DLAT: variants seen among roughly 807,000 people sequenced by gnomAD.
DLAT encodes dihydrolipoamide S-acetyltransferase.
In DLAT, 43 loss-of-function variants were observed where a neutral mutation model predicts 68.0. That is an observed-to-expected ratio of 0.63 (90% CI 0.50 to 0.81). The LOEUF is 0.81. Among genes scored for constraint, DLAT ranks in the 40% least tolerant of loss-of-function variants. DLAT has a pLI of 0.00. For missense variants in DLAT, 745 were observed against 815.4 expected (o/e 0.91, Z 1.05); for synonymous variants, 265 against 288.6 (o/e 0.92, Z 0.83).
chr11:112,046,618 C>T (rs1277690131), intron 10 of DLAT, among the ~76,000 whole-genome samples: 3 of 151,608 alleles, frequency 2.0e-5, no homozygotes, highest in African/African-American at 7.3e-5. Context: ...CTCCCCTTAG[C>T]CCCCCACCCC....
chr11:112,053,513 C>T (rs1171482575), intron 11 of DLAT, among the ~76,000 whole-genome samples: 3 of 151,896 alleles, frequency 2.0e-5, no homozygotes, highest in East Asian at 1.9e-4. Flanking sequence ...AGTGCAGTGG[C>T]GTGATCTTGG....
chr11:112,044,867 T>G (rs1230705172), intron 8 of DLAT, among the ~76,000 whole-genome samples: 2 of 152,088 alleles, frequency 1.3e-5, no homozygotes, highest in Non-Finnish European at 2.9e-5. Context: ...TTTCCGTCTC[T>G]ACTAGAAATC....
rs1396553672 is a variant in DLAT at position 112,027,420 on chromosome 11, G to A, written c.382-1095G>A. Among the ~76,000 whole-genome samples the A allele has an allele frequency of 6.6e-5, 10 of 151,492 alleles. No homozygotes were observed. The South Asian group carries it at 1.3e-3, about 19-fold the overall frequency. On this transcript the variant is annotated intron_variant, in intron 2 of 13. Transcript: ENST00000280346. ...AGACGCTCCTCACTTTCCAGACTGGGCAGCCAGGCAGTGGGGCTCCTCACG... is the reference window on the plus strand; with the variant it reads ...AGACGCTCCTCACTTTCCAGACTGGACAGCCAGGCAGTGGGGCTCCTCACG...
intron 11 of DLAT, among the ~76,000 whole-genome samples, chr11:112,058,110 T>C (rs2135139904): frequency 6.6e-6 from 1 of 152,340 alleles, no homozygotes; most frequent in African/African-American, 2.4e-5. Context: ...GGTTGTCTGT[T>C]AATTCTAACC....
intron 11 of DLAT, among the ~76,000 whole-genome samples, chr11:112,056,214 A>G (rs587723640): frequency 6.6e-6 from 1 of 152,262 alleles, no homozygotes; most frequent in East Asian, 1.9e-4. Flanking sequence ...GTATCATAAA[A>G]TGTACCTGCT....
chr11:112,030,263 A>G, intron 4 of DLAT: 1 of 568,510 alleles, frequency 1.8e-6, no homozygotes, highest in South Asian at 1.4e-5. Flanking sequence ...TCTTAGGCAC[A>G]ACGTCTGCAG....
At position 112,037,377 on chromosome 11, in the gene DLAT, G is replaced by A. The variant is rs782069095; in HGVS notation, c.892G>A (p.Ala298Thr). The A allele has an allele frequency of 6.2e-6, 10 of 1,614,192 alleles. No individual in the cohort carries two copies. Among genetic ancestry groups the A allele is most frequent in the Non-Finnish European group, 8.5e-6 (10 of 1,180,024 alleles). ...ACTCTGTATCATTGTAGAAAAAGAG[G>A]CAGATATATCAGCATTTGCTGACTA... ...TPLCIIVEKE[A>T]DISAFADYRP... Residue 298 changes from alanine (A) to threonine (T), a missense_variant, in exon 6 of 14, where the codon GCA becomes ACA. By Grantham distance (58) the Ala-to-Thr change is moderately conservative. Coordinates refer to ENST00000280346, the MANE Select transcript of DLAT (RefSeq NM_001931.5).
chr11:112,035,353 A>G (rs1862645273), intron 5 of DLAT, among the ~76,000 whole-genome samples: 1 of 152,206 alleles, frequency 6.6e-6, no homozygotes, highest in African/African-American at 2.4e-5. Flanking sequence ...AAACACAGAA[A>G]CTTTGGAAAC....
chr11:112,059,870 T>G (rs1354201274), intron 11 of DLAT, 33 bp from the exon 12 acceptor site: 7 of 1,519,038 alleles, frequency 4.6e-6, no homozygotes, highest in Non-Finnish European at 6.2e-6. Context: ...TAATAAACAG[T>G]TTTTTATTAT....
At chr11:112,062,291 G>A (rs1864681583) in intron 13 of DLAT, 115 bp from the exon 14 acceptor site, 9 of 1,092,022 alleles carry the variant, frequency 8.2e-6, no homozygotes, top group Non-Finnish European at 1.4e-6. Flanking sequence ...TGGAAGAGTA[G>A]ATAGGAAGTA....
chr11:112,048,041 A>G (rs1863415602), intron 10 of DLAT, among the ~76,000 whole-genome samples: 4 of 152,206 alleles, frequency 2.6e-5, no homozygotes, highest in Admixed American at 2.6e-4. Flanking sequence ...CATTGAATTT[A>G]TAAATTACTT....
At chr11:112,031,569 ACCACAC>A (rs1370962678) in intron 4 of DLAT, among the ~76,000 whole-genome samples, 8 of 150,282 alleles carry the variant, frequency 5.3e-5, no homozygotes, top group Admixed American at 2.7e-4. Flanking sequence ...TGCACATACC[ACCACAC>A]CTAGCTATTT....
chr11:112,058,159 A>G (rs1397880429), intron 11 of DLAT, among the ~76,000 whole-genome samples: 1 of 152,202 alleles, frequency 6.6e-6, no homozygotes, highest in African/African-American at 2.4e-5. Context: ...CCCATTCAAC[A>G]TTTATTTAAC....
rs1863093349 is a variant in DLAT, at chr11:112,042,316, T to TA, written c.1130-1149dup. Among the ~76,000 whole-genome samples, 7 of 152,196 alleles carry TA rather than the reference T, an allele frequency of 4.6e-5. No homozygotes were observed. In the South Asian group the frequency reaches 1.4e-3, roughly 31 times the overall value. On this transcript the variant is annotated intron_variant, in intron 7 of 13. Transcript: ENST00000280346. ...CTGAAGCTTAGCATAAGGCAGGTGG[T>TA]ACTATGGATTTCCTCCTCTTGAGGG...
intron 10 of DLAT, among the ~76,000 whole-genome samples, chr11:112,049,963 T>A (rs1406613244): frequency 6.6e-6 from 1 of 152,264 alleles, no homozygotes; most frequent in African/African-American, 2.4e-5. Context: ...TCTTGTCTTG[T>A]TCTCGATCTT....
intron 7 of DLAT, among the ~76,000 whole-genome samples, 196 bp from the exon 8 acceptor site, chr11:112,043,268 CTG>C (rs1863138208): frequency 6.6e-6 from 1 of 152,220 alleles, no homozygotes; most frequent in African/African-American, 2.4e-5. Context: ...CACTGGTACT[CTG>C]TGTGGATTAA....
At chr11:112,030,423 G>C in intron 4 of DLAT, 1 of 384,364 alleles carries the variant, frequency 2.6e-6, no homozygotes, top group Non-Finnish European at 5.1e-6. Context: ...AGATTTGGAG[G>C]GGACAGACAT....
intron 5 of DLAT, among the ~76,000 whole-genome samples, chr11:112,035,226 G>A (rs193040958): frequency 6.6e-6 from 1 of 152,324 alleles, no homozygotes; most frequent in East Asian, 1.9e-4. Flanking sequence ...GAATTAAAGA[G>A]CAGGACCTTA....
In DLAT at chr11:112,063,145, T is replaced by A. The variant is rs1463305476; in HGVS notation, c.*610T>A. 6.5e-6 allele frequency: 1 copy of A among 152,812 alleles called. No homozygotes were observed. Among genetic ancestry groups the A allele is most frequent in the Non-Finnish European group, 1.5e-5 (1 of 68,494 alleles). The allele number at this position is 152,812 out of a possible 1,614,324, so 9.5% of individuals were successfully genotyped here. On this transcript the variant is annotated 3_prime_UTR_variant, in exon 14 of 14. Coordinates refer to ENST00000280346, the MANE Select transcript of DLAT (RefSeq NM_001931.5). ...CTTCAGCTGATTGTTTATTTTTCTA[T>A]GAATTCCTACACATGGTTATTCCCC...
Sources: gnomAD v4.1 joint callset for allele counts (sites outside exome capture counted in the v4.1 genomes callset) on GRCh38, gnomAD v4.1.1 for gene constraint, MANE v1.5 for transcripts, NCBI Gene and HGNC (gene_info 2026-07-23, HGNC 2026-07-21) for gene names.